Variants in TEK observed in about 807,000 individuals in gnomAD.
TEK encodes the protein angiopoietin-1 receptor.
In TEK, 43 loss-of-function variants were observed where a neutral mutation model predicts 131.8. That is an observed-to-expected ratio of 0.33 (90% CI 0.26 to 0.42). The LOEUF (loss-of-function observed/expected upper bound fraction) is 0.42, where lower values mean the gene tolerates loss of function less well. TEK is among the 10% of genes least tolerant of loss of function. TEK has a pLI of 1.00. For synonymous variants in TEK, 580 were observed against 491.6 expected, an observed-to-expected ratio of 1.18 and a Z score of -2.38; for missense variants, 1,162 against 1,384.4, an observed-to-expected ratio of 0.84 and a Z score of 2.55.
chr9:27,157,714 A>G, intron 1 of TEK, 117 bp from the exon 2 acceptor site: 1 of 1,231,586 alleles, frequency 8.1e-7, no homozygotes, highest in Non-Finnish European at 1.2e-6. Flanking sequence ...TGGTCAGAAT[A>G]GCATTTTAGA....
chr9:27,185,754 CT>C, intron 9 of TEK, 125 bp downstream of exon 9: 1 of 1,335,572 alleles, frequency 7.5e-7, no homozygotes, highest in African/African-American at 1.5e-5. Flanking sequence ...GATAGTAAGC[CT>C]TTAAAAAATT....
intron 2 of TEK, among the ~76,000 whole-genome samples, chr9:27,162,980 C>G (rs1195561931): frequency 1.3e-5 from 2 of 152,222 alleles, no homozygotes; most frequent in Non-Finnish European, 2.9e-5. Context: ...TCCTAAAGTG[C>G]TGGGATTACA....
At chr9:27,195,196 T>G (rs1218350675) in intron 11 of TEK, among the ~76,000 whole-genome samples, 1 of 152,176 alleles carries the variant, frequency 6.6e-6, no homozygotes, top group African/African-American at 2.4e-5. Flanking sequence ...ATCAGACCTT[T>G]TGCATAATGC....
chr9:27,204,925 G>A lies in TEK; in HGVS notation c.2224G>A (p.Gly742Arg), dbSNP rs141520692. 40 of 1,613,796 alleles carry A rather than the reference G, an allele frequency of 2.5e-5. No individual in the cohort carries two copies. In the African/African-American group the frequency reaches 2.7e-4, roughly 11 times the overall value. ...LPESQAPADL[G>R]GGKMLLIAIL... ...TTCCTGCACAGCACCAGCGGACCTC[G>A]GAGGGGGGAAGATGCTGCTTATAGC... is the stretch of plus-strand genomic sequence containing the variant. Residue 742 changes from glycine to arginine, a missense_variant, in exon 14 of 23, where the codon GGA (glycine) becomes AGA (arginine). Physicochemically the swap from Gly to Arg is moderately radical, Grantham distance 125. Transcript: ENST00000380036.
rs1369084655 is a variant in TEK, at chr9:27,217,578, T to C, written c.2992-110T>C. On this transcript the variant is annotated intron_variant, in intron 18 of 22. Transcript: ENST00000380036. ...TGTAGCTGGGACATACACAAAGCAA[T>C]GATTTCTGAGTCTACCCAGCAATCA... The C allele has an allele frequency of 1.8e-5, 17 of 922,610 alleles. No homozygotes were observed. The South Asian group carries it at 1.9e-4, about 10-fold the overall frequency. 57.2% of individuals were successfully genotyped at this position (922,610 alleles called of 1,614,324 possible).
rs953130572 is a variant in TEK, at chr9:27,109,568, T to C, written c.-23T>C. The C allele has an allele frequency of 6.8e-6, 11 of 1,614,094 alleles. No individual in the cohort carries two copies. The Middle Eastern group carries it at 6.6e-4, about 97-fold the overall frequency. ...GGACCTCATGCACATTTGTGGAAACTGGATGGAGAGATTTGGGGAAGCATG... is the reference window on the plus strand; with the variant it reads ...GGACCTCATGCACATTTGTGGAAACCGGATGGAGAGATTTGGGGAAGCATG... On this transcript the variant is annotated 5_prime_UTR_variant, in exon 1 of 23. Transcript: ENST00000380036.
rs185274251 is a variant in TEK at position 27,116,058 on chromosome 9, C to T, written c.52+6416C>T. 8.6e-4 allele frequency among the ~76,000 whole-genome samples: 131 copies of T among 152,200 alleles called. 1 individual carries two copies. Among genetic ancestry groups the T allele is most frequent in the African/African-American group, 3.1e-3 (128 of 41,534 alleles). On this transcript the variant is annotated intron_variant, in intron 1 of 22. Coordinates refer to ENST00000380036, the MANE Select transcript of TEK (RefSeq NM_000459.5). ...GGACCAAGTTGGCTTCCTAACATTC[C>T]AGGCAAGAGGACTGTGAGGATAACA...
intron 6 of TEK, among the ~76,000 whole-genome samples, chr9:27,177,102 G>A (rs1390480268): frequency 6.6e-6 from 1 of 152,080 alleles, no homozygotes; most frequent in African/African-American, 2.4e-5. Context: ...ATGGATGGAC[G>A]AATGGTCAAG....
chr9:27,176,008 C>T (rs77938221), intron 6 of TEK, among the ~76,000 whole-genome samples: 11,589 of 152,152 alleles, frequency 0.076, 647 homozygotes, highest in African/African-American at 0.15. Context: ...CATCTCAGCC[C>T]ATTCCTGGCT....
intron 1 of TEK, among the ~76,000 whole-genome samples, chr9:27,140,778 A>G (rs1393883508): frequency 6.6e-6 from 1 of 152,062 alleles, no homozygotes; most frequent in Non-Finnish European, 1.5e-5. Flanking sequence ...TTAACAGTTT[A>G]TCCTTTATAT....
At chr9:27,112,130 C>T (rs936163277) in intron 1 of TEK, among the ~76,000 whole-genome samples, 1 of 152,084 alleles carries the variant, frequency 6.6e-6, no homozygotes, top group Non-Finnish European at 1.5e-5. Context: ...AACTCCTGAC[C>T]CCAAGTGATC....
At chr9:27,127,512 T>C (rs1486783203) in intron 1 of TEK, among the ~76,000 whole-genome samples, 1 of 152,196 alleles carries the variant, frequency 6.6e-6, no homozygotes, top group Non-Finnish European at 1.5e-5. Flanking sequence ...CTGGGTCAAA[T>C]GGTATTTGGT....
At chr9:27,206,520 A>T (rs1825406000) in intron 14 of TEK, 62 bp from the exon 15 acceptor site, 9 of 1,537,868 alleles carry the variant, frequency 5.9e-6, no homozygotes, top group Non-Finnish European at 8.0e-6. Flanking sequence ...ACCAGAAGAC[A>T]TTATGCCCCT....
intron 1 of TEK, among the ~76,000 whole-genome samples, chr9:27,136,917 GTTTATTTA>G (rs977274589): frequency 6.6e-6 from 1 of 151,996 alleles, no homozygotes; most frequent in Non-Finnish European, 1.5e-5. Context: ...TTAAATCTTT[GTTTATTTA>G]TTTATTTTTG....
chr9:27,160,100 G>C (rs1391401798), intron 2 of TEK, among the ~76,000 whole-genome samples: 2 of 139,600 alleles, frequency 1.4e-5, no homozygotes, highest in Non-Finnish European at 3.0e-5. Flanking sequence ...ACAGTTCACT[G>C]CAGCCTTGAC....
intron 16 of TEK, among the ~76,000 whole-genome samples, chr9:27,211,920 C>T (rs1185162119): frequency 1.3e-5 from 2 of 150,140 alleles, no homozygotes; most frequent in Non-Finnish European, 2.9e-5. Context: ...AAAAAATTTT[C>T]GCAAGGGGAT....
intron 1 of TEK, among the ~76,000 whole-genome samples, chr9:27,112,022 C>G (rs1016875873): frequency 1.1e-4 from 17 of 151,834 alleles, no homozygotes; most frequent in African/African-American, 3.9e-4. Context: ...CTCAGCCTCT[C>G]GAGTAGCTGG....
At chr9:27,187,247 A>T (rs1318448126) in intron 9 of TEK, among the ~76,000 whole-genome samples, 1 of 152,234 alleles carries the variant, frequency 6.6e-6, no homozygotes, top group Non-Finnish European at 1.5e-5. Context: ...TTGCTGTCAC[A>T]TTGACTGGCA....
intron 8 of TEK, 125 bp from the exon 9 acceptor site, chr9:27,185,360 T>G: frequency 8.3e-7 from 1 of 1,199,568 alleles, no homozygotes; most frequent in East Asian, 2.4e-5. Flanking sequence ...ATATTAGCAT[T>G]ACATTTAGCT....
Sources: allele counts gnomAD v4.1 joint callset (sites outside exome capture counted in the v4.1 genomes callset), GRCh38; gene constraint gnomAD v4.1.1; transcripts MANE v1.5; gene names NCBI Gene and HGNC (gene_info 2026-07-23, HGNC 2026-07-21).